The following DPYS variants were observed in gnomAD, a reference collection of about 807,000 sequenced individuals.
DPYS encodes the protein dihydropyrimidinase.
In DPYS, 39 loss-of-function variants were observed where a neutral mutation model predicts 50.3. The observed-to-expected ratio is 0.78, with a 90% CI of 0.60 to 1.01. The LOEUF is 1.01. DPYS is among the 50% of genes least tolerant of loss of function. The pLI is 0.00. For missense variants in DPYS, 659 were observed against 680.9 expected (o/e 0.97, Z 0.36); for synonymous variants, 245 against 250.7 (o/e 0.98, Z 0.22).
At chr8:104,397,003 C>T (rs1215324210) in intron 7 of DPYS, among the ~76,000 whole-genome samples, 1 of 152,162 alleles carries the variant, frequency 6.6e-6, no homozygotes, top group African/African-American at 2.4e-5. Context: ...GAATGTGCTT[C>T]CACTTTCACA....
At chr8:104,449,627 G>T (rs1247556695) in intron 2 of DPYS, among the ~76,000 whole-genome samples, 4 of 152,350 alleles carry the variant, frequency 2.6e-5, no homozygotes, top group Admixed American at 1.3e-4. Flanking sequence ...ACGAGCATGT[G>T]CGCTTTATCC....
intron 3 of DPYS, among the ~76,000 whole-genome samples, chr8:104,446,874 T>G (rs1038752338): frequency 2.0e-5 from 3 of 152,196 alleles, no homozygotes; most frequent in African/African-American, 7.2e-5. Context: ...TAATATCCAG[T>G]TTCTGAAAAG....
chr8:104,443,912 C>T (rs766874613), intron 4 of DPYS, among the ~76,000 whole-genome samples: 4 of 151,998 alleles, frequency 2.6e-5, no homozygotes, highest in Non-Finnish European at 4.4e-5. Context: ...AAACAAAAAC[C>T]GGAGAGCTTT....
At chr8:104,405,190 A>G (rs965597425) in intron 7 of DPYS, among the ~76,000 whole-genome samples, 12 of 152,204 alleles carry the variant, frequency 7.9e-5, no homozygotes, top group African/African-American at 1.2e-4. Context: ...TATTCCGAGT[A>G]CTTTCAGGTA....
Position 104,392,848 on chromosome 8 carries a change from C to T in DPYS, c.1379G>A (p.Gly460Glu), listed in dbSNP as rs762976676. Residue 460 changes from glycine to glutamate, a missense_variant, in exon 8 of 10, where the codon GGG (glycine) becomes GAG (glutamate). Coordinates refer to ENST00000351513, the MANE Select transcript of DPYS (RefSeq NM_001385.3). ...AAATGGTTTTCGAGGAATAAACTTC[C>T]CATCTCCTGCCGTGACACTGAACAC... Reference protein sequence around the residue: ...AGVFSVTAGDGKFIPRKPFAE... With the variant: ...AGVFSVTAGDEKFIPRKPFAE... The T allele has an allele frequency of 3.3e-5, 54 of 1,614,074 alleles. No individual in the cohort carries two copies. The highest frequency in any genetic ancestry group is 4.2e-5 in the Non-Finnish European group (50 of 1,180,054).
At chr8:104,448,094 A>G (rs1215025694) in intron 2 of DPYS, among the ~76,000 whole-genome samples, 1 of 151,654 alleles carries the variant, frequency 6.6e-6, no homozygotes, top group Admixed American at 6.6e-5. Flanking sequence ...GGAAGCTCAG[A>G]GGCCTTCAGG....
intron 1 of DPYS, among the ~76,000 whole-genome samples, chr8:104,462,036 T>C (rs1169537204): frequency 6.6e-6 from 1 of 152,226 alleles, no homozygotes; most frequent in Non-Finnish European, 1.5e-5. Context: ...CTCATCTGTA[T>C]TTTTCTTTTT....
intron 8 of DPYS, among the ~76,000 whole-genome samples, chr8:104,382,530 T>C (rs1425995617): frequency 6.9e-6 from 1 of 145,778 alleles, no homozygotes; most frequent in African/African-American, 2.6e-5. Context: ...TTCAGGTCCT[T>C]GGTCCCTGTT....
chr8:104,409,302 TA>T (rs1812097424), intron 7 of DPYS, among the ~76,000 whole-genome samples: 1 of 151,404 alleles, frequency 6.6e-6, no homozygotes, highest in African/African-American at 2.4e-5. Context: ...CTGGCCAACA[TA>T]GTGAAACCCC....
chr8:104,391,849 A>G (rs895923388), intron 8 of DPYS, among the ~76,000 whole-genome samples: 8 of 152,040 alleles, frequency 5.3e-5, no homozygotes, highest in African/African-American at 1.9e-4. Flanking sequence ...GCCTCAAGTG[A>G]TTCTCCCACC....
At chr8:104,402,326 A>T (rs1369924049) in intron 7 of DPYS, among the ~76,000 whole-genome samples, 1 of 152,240 alleles carries the variant, frequency 6.6e-6, no homozygotes, top group East Asian at 1.9e-4. Context: ...AGTTTTTAGA[A>T]AGTGGGAAAC....
intron 8 of DPYS, 101 bp from the exon 9 acceptor site, chr8:104,381,415 CTT>C: frequency 8.9e-7 from 1 of 1,129,454 alleles, no homozygotes; most frequent in Middle Eastern, 2.1e-4. Flanking sequence ...AAAAAAGAAT[CTT>C]ATAAATTTAT....
At position 104,451,274 on chromosome 8, in the gene DPYS, T is replaced by C; in HGVS notation, c.395A>G (p.His132Arg). 6.2e-7 allele frequency: 1 copy of C among 1,614,086 alleles called. No individual in the cohort carries two copies. Among genetic ancestry groups the C allele is most frequent in the South Asian group, 1.1e-5 (1 of 91,078 alleles). The change falls in exon 2 of 10, where the codon CAT (histidine) becomes CGT (arginine). Residue 132 changes from histidine to arginine, a missense_variant. Transcript: ENST00000351513. Reference sequence around the variant, plus strand: ...GTCACTCCACCACGTCACTGCCACATGAAGGCTGTAGTCGCAGCAAACTTT... The same window carrying C: ...GTCACTCCACCACGTCACTGCCACACGAAGGCTGTAGTCGCAGCAAACTTT... The part of the protein sequence containing the change: ...DPKVCCDYSL[H>R]VAVTWWSDQV...
At chr8:104,450,835 A>AT (rs149585537) in intron 2 of DPYS, among the ~76,000 whole-genome samples, 2,503 of 152,272 alleles carry the variant, frequency 0.016, 56 homozygotes, top group African/African-American at 0.056. Flanking sequence ...AATTTCCTTG[A>AT]TTTTATTTTT....
rs1328596108 is a variant in DPYS, at chr8:104,392,889, C to A, written c.1338G>T (p.Val446=). ...VPLVTISRGK[V]VYEAGVFSVT... is the part of the protein sequence containing the mutation. ...CACTGAACACTCCGGCTTCATATAC[C>A]ACTTTGCCTCTTGAAATAGTCACAA... Residue 446 remains valine (V), a synonymous_variant, in exon 8 of 10, where the codon GTG becomes GTT. Coordinates refer to ENST00000351513, the MANE Select transcript of DPYS (RefSeq NM_001385.3). 6.2e-7 allele frequency: 1 copy of A among 1,614,074 alleles called. No homozygotes were observed. Among genetic ancestry groups the A allele is most frequent in the East Asian group, 2.2e-5 (1 of 44,896 alleles).
chr8:104,394,418 T>C (rs1301076128), intron 7 of DPYS, among the ~76,000 whole-genome samples: 1 of 152,138 alleles, frequency 6.6e-6, no homozygotes, highest in Admixed American at 6.5e-5. Context: ...AGTTCTCATC[T>C]CAGTAAATGA....
chr8:104,428,019 A>G lies in DPYS; in HGVS notation c.1053T>C (p.Gly351=). ...DFTKIPNGVN[G]VEDRMSVIWE... is the part of the protein sequence containing the mutation. ...ATATTACGGACATCCGATCTTCAAC[A>G]CCATTCACCCCATTGGGGATCTTGG... The change falls in exon 6 of 10, where the codon GGT becomes GGC. Residue 351 remains glycine, a synonymous_variant. Transcript: ENST00000351513. 1 of 1,614,208 alleles carries G rather than the reference A, an allele frequency of 6.2e-7. No homozygotes were observed. Among genetic ancestry groups the G allele is most frequent in the Non-Finnish European group, 8.5e-7 (1 of 1,180,036 alleles).
At chr8:104,384,683 G>A (rs58903502) in intron 8 of DPYS, among the ~76,000 whole-genome samples, 53,966 of 152,052 alleles carry the variant, frequency 0.35, 12,565 homozygotes, top group African/African-American at 0.66. Flanking sequence ...AATAAAGTGA[G>A]CCTCTTTCTC....
chr8:104,384,569 G>A (rs893522302), intron 8 of DPYS, among the ~76,000 whole-genome samples: 3 of 152,158 alleles, frequency 2.0e-5, no homozygotes. Flanking sequence ...AATGATGATG[G>A]CAAACCTCTG....
Sources: gnomAD v4.1 joint callset for allele counts (sites outside exome capture counted in the v4.1 genomes callset) on GRCh38, gnomAD v4.1.1 for gene constraint, MANE v1.5 for transcripts, NCBI Gene and HGNC (gene_info 2026-07-23, HGNC 2026-07-21) for gene names.